POR: variants seen among roughly 807,000 people sequenced by gnomAD.
POR encodes cytochrome p450 oxidoreductase.
POR carries 56 observed loss-of-function variants against 84.0 expected under a neutral mutation model. The observed-to-expected ratio is 0.67, with a 90% confidence interval of 0.54 to 0.83. POR has a LOEUF of 0.83. Ranked by LOEUF, POR falls within the 40% of genes least tolerant of loss-of-function variation. The pLI, the probability that POR is intolerant of heterozygous loss-of-function variation, is 0.00. For missense variants in POR, 938 were observed against 944.3 expected, an observed-to-expected ratio of 0.99 and a Z score of 0.09; for synonymous variants, 414 against 400.5, an observed-to-expected ratio of 1.03 and a Z score of -0.40.
At position 75,986,530 on chromosome 7, in the gene POR, C is replaced by G. The variant is rs1789485911; in HGVS notation, c.*49C>G. ...CACAGACTCCGGCCTGTAATCAGCT[C>G]TCCTGGCTCCCTCCCGTAGTCTCCT... On this transcript the variant is annotated 3_prime_UTR_variant, in exon 16 of 16. Transcript: ENST00000461988. 6.3e-7 allele frequency: 1 copy of G among 1,583,060 alleles called. No homozygotes were observed. The highest frequency in any genetic ancestry group is 8.5e-7 in the Non-Finnish European group (1 of 1,170,634).
In POR at chr7:75,954,160, G is replaced by T. The variant is rs781868923; in HGVS notation, c.168G>T (p.Glu56Asp). 13 of 1,611,226 alleles carry T rather than the reference G, an allele frequency of 8.1e-6. No homozygotes were observed. Among genetic ancestry groups the T allele is most frequent in the Non-Finnish European group, 1.0e-5 (12 of 1,178,668 alleles). The change falls in exon 2 of 16, where the codon GAG becomes GAT. Residue 56 changes from glutamate (E) to aspartate (D), a missense_variant. Glu to Asp is a conservative substitution (Grantham distance 45, BLOSUM62 2). Coordinates refer to ENST00000461988, the MANE Select transcript of POR (RefSeq NM_000941.3). ...GAAAGAAAAAAGAAGAAGTCCCCGA[G>T]TTCACCAAAATTCAGACATTGTAAG...
At chr7:75,982,181 C>G (rs1789089086) in intron 7 of POR, 43 bp from the exon 8 acceptor site, 3 of 1,508,116 alleles carry the variant, frequency 2.0e-6, no homozygotes, top group Non-Finnish European at 1.8e-6. Context: ...TCGGGACTGA[C>G]CCCTGCCGCT....
chr7:75,923,107 A>G, intron 1 of POR: 3 of 792,258 alleles, frequency 3.8e-6, no homozygotes. Context: ...AGCGTATAGT[A>G]TGTAACCTTA....
At chr7:75,929,162 G>A (rs1807291569) in intron 1 of POR, among the ~76,000 whole-genome samples, 1 of 152,144 alleles carries the variant, frequency 6.6e-6, no homozygotes, top group East Asian at 1.9e-4. Flanking sequence ...TGTTCATGTT[G>A]TGGGTTTTTA....
intron 4 of POR, chr7:75,979,804 G>A (rs926779950): frequency 1.2e-5 from 7 of 579,872 alleles, no homozygotes; most frequent in Non-Finnish European, 2.0e-5. Context: ...GTTTCCCCAG[G>A]ACTGGCCCTC....
chr7:75,943,937 G>A, intron 1 of POR: 1 of 451,076 alleles, frequency 2.2e-6, no homozygotes, highest in Non-Finnish European at 4.3e-6. Flanking sequence ...ATTTGCAAAA[G>A]GGAGAATTAT....
At chr7:75,959,648 G>A (rs1170816758) in intron 2 of POR, among the ~76,000 whole-genome samples, 13 of 152,156 alleles carry the variant, frequency 8.5e-5, no homozygotes, top group African/African-American at 3.1e-4. Flanking sequence ...TAGAGATGGA[G>A]TTTCACCACG....
intron 1 of POR, among the ~76,000 whole-genome samples, chr7:75,941,401 T>C (rs10235054): frequency 0.066 from 10,041 of 152,200 alleles, 1,052 homozygotes; most frequent in African/African-American, 0.22. Context: ...GGATGATCCT[T>C]GGTGACCAGC....
chr7:75,961,830 A>G (rs953933690), intron 2 of POR, among the ~76,000 whole-genome samples: 16 of 152,212 alleles, frequency 1.1e-4, no homozygotes, highest in Non-Finnish European at 2.2e-4. Context: ...CCTGGGTAGC[A>G]TAGCAAGACC....
chr7:75,969,979 C>T (rs41296530), intron 2 of POR, among the ~76,000 whole-genome samples: 2 of 152,070 alleles, frequency 1.3e-5, no homozygotes, highest in East Asian at 3.9e-4. Context: ...GGGGCAGGGA[C>T]GGCCTCTGGG....
intron 2 of POR, among the ~76,000 whole-genome samples, chr7:75,966,519 C>T (rs139332444): frequency 2.6e-5 from 4 of 152,326 alleles, no homozygotes; most frequent in Non-Finnish European, 4.4e-5. Flanking sequence ...CCCCTTCTCT[C>T]GCCGTGGGCA....
At chr7:75,967,108 G>A (rs782409927) in intron 2 of POR, among the ~76,000 whole-genome samples, 2 of 152,144 alleles carry the variant, frequency 1.3e-5, no homozygotes, top group Admixed American at 6.6e-5. Flanking sequence ...CCAAGTAGCT[G>A]GGATCACAGA....
intron 1 of POR, among the ~76,000 whole-genome samples, chr7:75,926,030 C>CT (rs869058308): frequency 0.16 from 18,181 of 114,814 alleles, 1,638 homozygotes; most frequent in South Asian, 0.18. Context: ...TTTTCTCTCT[C>CT]TTTTTTTTTT....
intron 1 of POR, among the ~76,000 whole-genome samples, chr7:75,945,800 G>C (rs1465170153): frequency 6.6e-6 from 1 of 152,170 alleles, no homozygotes; most frequent in Admixed American, 6.5e-5. Flanking sequence ...TTTGATTGGG[G>C]TGTCTGACTC....
intron 2 of POR, among the ~76,000 whole-genome samples, chr7:75,957,728 G>A (rs896380862): frequency 2.6e-5 from 4 of 152,204 alleles, no homozygotes; most frequent in Admixed American, 1.3e-4. Context: ...CTGAAATTCT[G>A]TTCCCTCCAC....
rs559026541 is a variant in POR, at chr7:75,985,367, C to T, written c.1398+160C>T. The T allele has an allele frequency of 8.8e-5, 103 of 1,167,196 alleles. No homozygotes were observed. The African/African-American group carries it at 1.4e-3, about 16-fold the overall frequency. 72.3% of individuals were successfully genotyped at this position (1,167,196 alleles called of 1,614,324 possible). A position where few individuals can be genotyped will look rare whatever the true frequency, so the allele number is the denominator to read the frequency against. On this transcript the variant is annotated intron_variant, in intron 12 of 15. Transcript: ENST00000461988. ...TGCCTCCCCAGGCTGTGGACTCAGT[C>T]GGGCTGGCTTGTGAGATTCTCAGCA...
At chr7:75,935,852 T>A (rs1161116107) in intron 1 of POR, among the ~76,000 whole-genome samples, 1 of 151,642 alleles carries the variant, frequency 6.6e-6, no homozygotes, top group Non-Finnish European at 1.5e-5. Context: ...GTGTGACACA[T>A]CTCCCATGAT....
At chr7:75,934,743 C>T (rs532507930) in intron 1 of POR, among the ~76,000 whole-genome samples, 6 of 152,274 alleles carry the variant, frequency 3.9e-5, no homozygotes, top group African/African-American at 1.4e-4. Flanking sequence ...CCAGCCTTGG[C>T]TCAAAGGGGC....
chr7:75,941,938 G>A (rs782565510), intron 1 of POR, among the ~76,000 whole-genome samples: 4 of 152,066 alleles, frequency 2.6e-5, no homozygotes, highest in Admixed American at 6.6e-5. Flanking sequence ...ACAATTTTGG[G>A]CCAGGTGCCA....
Sources: gnomAD v4.1 joint callset for allele counts (sites outside exome capture counted in the v4.1 genomes callset) on GRCh38, gnomAD v4.1.1 for gene constraint, MANE v1.5 for transcripts, NCBI Gene and HGNC (gene_info 2026-07-23, HGNC 2026-07-21) for gene names.